Variants in MAGI2 observed in about 807,000 individuals in gnomAD.
MAGI2 encodes the protein membrane associated guanylate kinase, WW and PDZ domain containing 2, also known as membrane-associated guanylate kinase, WW and PDZ domain-containing protein 2.
Under a neutral mutation model 133.3 loss-of-function variants are expected in MAGI2, and 35 were observed. The ratio of observed to expected loss-of-function variants is 0.26; its 90% CI spans 0.20 to 0.35. The LOEUF (loss-of-function observed/expected upper bound fraction) is 0.35. Among genes scored for constraint, MAGI2 ranks in the 10% least tolerant of loss-of-function variants. The probability of loss-of-function intolerance (pLI) is 1.00; values close to 1 mark genes in which losing one functional copy is unlikely to be tolerated. For missense variants in MAGI2, 1,636 were observed against 1,863.4 expected (o/e 0.88, Z 2.25); for synonymous variants, 729 against 710.6 (o/e 1.03, Z -0.41).
At chr7:78,210,342 C>T (rs982618463) in intron 10 of MAGI2, among the ~76,000 whole-genome samples, 3 of 152,056 alleles carry the variant, frequency 2.0e-5, no homozygotes, top group African/African-American at 4.8e-5. Context: ...TCAAAAGATA[C>T]TCGGGAGAAC....
At chr7:78,027,285 T>G (rs1330566653) in intron 21 of MAGI2, among the ~76,000 whole-genome samples, 1 of 152,162 alleles carries the variant, frequency 6.6e-6, no homozygotes, top group Non-Finnish European at 1.5e-5. Flanking sequence ...TGTTTGAACC[T>G]TGGACACAGT....
intron 1 of MAGI2, among the ~76,000 whole-genome samples, chr7:79,031,232 C>T (rs1288744234): frequency 2.6e-5 from 4 of 152,160 alleles, no homozygotes; most frequent in Admixed American, 2.6e-4. Flanking sequence ...TCATCATTCA[C>T]CATTCTTGTA....
chr7:79,108,084 G>A (rs1055991267), intron 1 of MAGI2, among the ~76,000 whole-genome samples: 1 of 152,188 alleles, frequency 6.6e-6, no homozygotes, highest in African/African-American at 2.4e-5. Context: ...ACATCAGAGA[G>A]TGTTTAGGGA....
chr7:79,027,630 A>G (rs190591344), intron 1 of MAGI2, among the ~76,000 whole-genome samples: 192 of 152,268 alleles, frequency 1.3e-3, no homozygotes, highest in African/African-American at 4.5e-3. Context: ...GAATGTACTT[A>G]ACAACAGTGT....
intron 1 of MAGI2, among the ~76,000 whole-genome samples, chr7:79,224,130 G>A (rs1830662447): frequency 6.6e-6 from 1 of 151,928 alleles, no homozygotes; most frequent in African/African-American, 2.4e-5. Flanking sequence ...TACTATCATA[G>A]GATCCTGGAC....
intron 20 of MAGI2, among the ~76,000 whole-genome samples, chr7:78,110,192 T>C (rs1819212980): frequency 6.6e-6 from 1 of 152,248 alleles, no homozygotes; most frequent in South Asian, 2.1e-4. Context: ...GTCTTTTTGC[T>C]TACTTACATC....
At chr7:78,554,844 A>G (rs1799645335) in intron 3 of MAGI2, among the ~76,000 whole-genome samples, 1 of 152,122 alleles carries the variant, frequency 6.6e-6, no homozygotes, top group Non-Finnish European at 1.5e-5. Context: ...TAGCATAAAA[A>G]TACATAGTTT....
chr7:78,063,446 T>G (rs953279114), intron 21 of MAGI2, among the ~76,000 whole-genome samples: 3 of 152,198 alleles, frequency 2.0e-5, no homozygotes, highest in African/African-American at 7.2e-5. Context: ...CTTGCTATGT[T>G]GCCCAGGCTA....
At chr7:79,041,902 C>A (rs932361441) in intron 1 of MAGI2, among the ~76,000 whole-genome samples, 23 of 152,118 alleles carry the variant, frequency 1.5e-4, no homozygotes, top group African/African-American at 5.5e-4. Flanking sequence ...CATAAAACTT[C>A]TAGAAAAACA....
At chr7:78,721,042 C>A (rs1820221908) in intron 2 of MAGI2, among the ~76,000 whole-genome samples, 1 of 151,982 alleles carries the variant, frequency 6.6e-6, no homozygotes, top group South Asian at 2.1e-4. Context: ...AGAGTTGGAC[C>A]TAACGTTTAA....
Position 78,804,497 on chromosome 7 carries a change from C to G in MAGI2, c.419-177258G>C, listed in dbSNP as rs1001439852. Reference sequence around the variant, plus strand: ...GGCACGGTGGCTCACGCCTGTAATCCCAGCACTTTGGGAGGCCGAGGCAGG... The same window carrying G: ...GGCACGGTGGCTCACGCCTGTAATCGCAGCACTTTGGGAGGCCGAGGCAGG... On this transcript the variant is annotated intron_variant, in intron 2 of 21. Transcript: ENST00000354212. Among the ~76,000 whole-genome samples, 15 of 151,510 alleles carry G rather than the reference C, an allele frequency of 9.9e-5. No individual in the cohort carries two copies. The South Asian group carries it at 2.3e-3, about 23-fold the overall frequency.
At chr7:79,008,128 A>G (rs918982635) in intron 1 of MAGI2, among the ~76,000 whole-genome samples, 1 of 152,126 alleles carries the variant, frequency 6.6e-6, no homozygotes, top group Non-Finnish European at 1.5e-5. Flanking sequence ...GTAAGTAAGA[A>G]TTCCTGAAAC....
chr7:79,159,595 C>G (rs1464504693), intron 1 of MAGI2, among the ~76,000 whole-genome samples: 2 of 151,006 alleles, frequency 1.3e-5, no homozygotes, highest in African/African-American at 4.9e-5. Flanking sequence ...AAAATACACA[C>G]TAATACAAAA....
At chr7:79,122,744 A>C (rs184420872) in intron 1 of MAGI2, among the ~76,000 whole-genome samples, 31 of 151,748 alleles carry the variant, frequency 2.0e-4, no homozygotes, top group Non-Finnish European at 4.4e-4. Context: ...TCCTGAGTTC[A>C]AGCGATTCTT....
chr7:78,413,191 T>C (rs1798010951), intron 6 of MAGI2, among the ~76,000 whole-genome samples: 1 of 152,232 alleles, frequency 6.6e-6, no homozygotes, highest in African/African-American at 2.4e-5. Flanking sequence ...CTTCTCTTTC[T>C]AGGTTTTGCA....
At chr7:78,229,994 G>A (rs912429136) in intron 10 of MAGI2, among the ~76,000 whole-genome samples, 8 of 152,224 alleles carry the variant, frequency 5.3e-5, no homozygotes, top group Non-Finnish European at 2.9e-5. Flanking sequence ...TCAGTTAACA[G>A]TGCCTACGTT....
At chr7:78,738,502 C>T (rs552780734) in intron 2 of MAGI2, among the ~76,000 whole-genome samples, 1 of 152,206 alleles carries the variant, frequency 6.6e-6, no homozygotes, top group Admixed American at 6.5e-5. Flanking sequence ...GTCAAGATAT[C>T]TTTCTGCTTA....
intron 9 of MAGI2, among the ~76,000 whole-genome samples, chr7:78,335,333 C>T (rs1462887284): frequency 6.6e-6 from 1 of 152,080 alleles, no homozygotes; most frequent in African/African-American, 2.4e-5. Context: ...CACCACACAC[C>T]CAAGTCAGAG....
intron 6 of MAGI2, among the ~76,000 whole-genome samples, chr7:78,411,511 G>T (rs1258930640): frequency 1.3e-5 from 2 of 151,906 alleles, no homozygotes; most frequent in African/African-American, 4.8e-5. Flanking sequence ...AACTAATACT[G>T]GCAGACTGAC....
Sources: gnomAD v4.1 joint callset for allele counts (sites outside exome capture counted in the v4.1 genomes callset) on GRCh38, gnomAD v4.1.1 for gene constraint, MANE v1.5 for transcripts, NCBI Gene and HGNC (gene_info 2026-07-23, HGNC 2026-07-21) for gene names.